Variants in TSC22D3 observed in about 807,000 individuals in gnomAD.
TSC22D3 encodes TSC22 domain family protein 3.
TSC22D3 carries 4 observed loss-of-function variants against 11.1 expected under a neutral mutation model. That is an observed-to-expected ratio of 0.36 (90% CI 0.18 to 0.83). TSC22D3 has a LOEUF of 0.83. Ranked by LOEUF, TSC22D3 falls within the 40% of genes least tolerant of loss-of-function variation. TSC22D3 has a pLI of 0.48. For synonymous variants in TSC22D3, 77 were observed against 70.3 expected (o/e 1.10, Z -0.48); for missense variants, 118 against 159.4 (o/e 0.74, Z 1.40).
At chrX:107,716,545 T>TGGCCCCC in intron 1 of TSC22D3, 5 of 795,880 alleles carry the variant, frequency 6.3e-6, no homozygotes, top group Non-Finnish European at 3.0e-6. Context: ...CCTTCCTGCG[T>TGGCCCCC]CCCCTCCCCC....
chrX:107,761,666 T>C (rs1287599055), intron 1 of TSC22D3, among the ~76,000 whole-genome samples: 1 of 111,998 alleles, frequency 8.9e-6, no homozygotes, highest in Non-Finnish European at 1.9e-5. Flanking sequence ...TTCCTGATCC[T>C]GATTTTCAGC....
At chrX:107,725,311 A>G (rs1455254730) in intron 1 of TSC22D3, among the ~76,000 whole-genome samples, 1 of 112,531 alleles carries the variant, frequency 8.9e-6, no homozygotes, top group African/African-American at 3.2e-5. Context: ...GTAAACCTTG[A>G]TGGTGGGCTG....
At chrX:107,742,867 T>G (rs769087714) in intron 1 of TSC22D3, among the ~76,000 whole-genome samples, 5 of 111,544 alleles carry the variant, frequency 4.5e-5, no homozygotes, top group African/African-American at 1.6e-4. Context: ...GCTCTTCACA[T>G]CATCCGCGAG....
At chrX:107,748,155 A>G (rs766652661) in intron 1 of TSC22D3, among the ~76,000 whole-genome samples, 1 of 111,859 alleles carries the variant, frequency 8.9e-6, no homozygotes, top group East Asian at 2.8e-4. Context: ...AATAGTGGAA[A>G]ACTCAATGGG....
rs61681572 is a variant in TSC22D3, at chrX:107,749,178, T to TACAC, written c.320+25918_320+25921dup. On this transcript the variant is annotated intron_variant, in intron 1 of 2. Coordinates refer to ENST00000372383, the MANE Select transcript of TSC22D3 (RefSeq NM_198057.3). ...GGTGAAACCCTGTCTCTACTAAAAA[T>TACAC]ACACACACACACACACACACACACA... 9.7e-3 allele frequency among the ~76,000 whole-genome samples: 849 copies of TACAC among 87,341 alleles called. 16 individuals are homozygous for TACAC. Among genetic ancestry groups the TACAC allele is most frequent in the African/African-American group, 0.03 (692 of 22,768 alleles). The allele number at this position is 87,341 out of a possible 115,157, so 75.8% of individuals were successfully genotyped here.
intron 1 of TSC22D3, among the ~76,000 whole-genome samples, chrX:107,770,344 A>G (rs1929853398): frequency 1.8e-5 from 2 of 110,802 alleles, no homozygotes; most frequent in Admixed American, 9.6e-5. Flanking sequence ...AGCCAGGTCC[A>G]GGAATATACA....
rs1306534254 is a variant in TSC22D3 at position 107,775,533 on chromosome X, GAA to G, written c.-116_-115del. The G allele has an allele frequency of 2.0e-5, 12 of 592,490 alleles. No individual in the cohort carries two copies. The highest frequency in any genetic ancestry group is 2.5e-5 in the Non-Finnish European group (10 of 394,262). 48.8% of individuals were successfully genotyped at this position (592,490 alleles called of 1,213,427 possible). A position where few individuals can be genotyped will look rare whatever the true frequency, so the allele number is the denominator to read the frequency against. ...GTGCCTGGAAAAGACAAGCTGTGAG[GAA>G]AAGAGTTGGAAATTAGCGCCTAAAG... On this transcript the variant is annotated 5_prime_UTR_variant, in exon 1 of 3. Coordinates refer to ENST00000372383, the MANE Select transcript of TSC22D3 (RefSeq NM_198057.3).
chrX:107,721,862 T>C lies in TSC22D3; in HGVS notation c.321-5912A>G, dbSNP rs1035538910. Reference sequence around the variant, plus strand: ...CTGTCTAGTTCTAATTACTTACTTGTCCCTTTTTCTGAAGAGGCTGGAGGA... The same window carrying C: ...CTGTCTAGTTCTAATTACTTACTTGCCCCTTTTTCTGAAGAGGCTGGAGGA... On this transcript the variant is annotated intron_variant, in intron 1 of 2. Coordinates refer to ENST00000372383, the MANE Select transcript of TSC22D3 (RefSeq NM_198057.3). 14 of 517,668 alleles carry C rather than the reference T, an allele frequency of 2.7e-5. No individual in the cohort carries two copies. In the African/African-American group the frequency reaches 2.8e-4, roughly 10 times the overall value. 42.7% of individuals were successfully genotyped at this position (517,668 alleles called of 1,213,427 possible). A position where few individuals can be genotyped will look rare whatever the true frequency, so the allele number is the denominator to read the frequency against.
chrX:107,771,844 C>T (rs1172436054), intron 1 of TSC22D3, among the ~76,000 whole-genome samples: 1 of 112,314 alleles, frequency 8.9e-6, no homozygotes, highest in African/African-American at 3.2e-5. Flanking sequence ...TGTATATACA[C>T]AGCACTATCA....
intron 1 of TSC22D3, among the ~76,000 whole-genome samples, chrX:107,726,515 G>A (rs1602956624): frequency 1.8e-5 from 2 of 112,617 alleles, no homozygotes; most frequent in Non-Finnish European, 1.9e-5. Flanking sequence ...GGCCCTTGCC[G>A]GCATTATGAA....
intron 1 of TSC22D3, among the ~76,000 whole-genome samples, chrX:107,742,595 C>A (rs974680358): frequency 1.8e-5 from 2 of 111,390 alleles, no homozygotes; most frequent in Admixed American, 9.4e-5. Flanking sequence ...TCTCTGCCCG[C>A]TGGTCTTCTG....
chrX:107,758,727 A>G (rs1929289128), intron 1 of TSC22D3, among the ~76,000 whole-genome samples: 1 of 112,179 alleles, frequency 8.9e-6, no homozygotes, highest in Non-Finnish European at 1.9e-5. Flanking sequence ...AAAGAACTCA[A>G]GAAATGCATT....
intron 1 of TSC22D3, among the ~76,000 whole-genome samples, chrX:107,762,846 CTTTTTTTTTTT>C (rs1170456785): frequency 2.2e-4 from 10 of 44,800 alleles, no homozygotes; most frequent in Non-Finnish European, 8.8e-5. Context: ...TGCACATGTA[CTTTTTTTTTTT>C]TTTTTTTTTT....
chrX:107,739,300 A>C (rs1257090312), intron 1 of TSC22D3, among the ~76,000 whole-genome samples: 1 of 112,885 alleles, frequency 8.9e-6, no homozygotes, highest in Non-Finnish European at 1.9e-5. Context: ...CAATGGGTAT[A>C]TGGACTAGGA....
chrX:107,731,104 C>T (rs1927857844), intron 1 of TSC22D3, among the ~76,000 whole-genome samples: 1 of 112,484 alleles, frequency 8.9e-6, no homozygotes, highest in Admixed American at 9.4e-5. Flanking sequence ...AGATTTCAGT[C>T]AATGCTATAA....
intron 1 of TSC22D3, among the ~76,000 whole-genome samples, chrX:107,754,072 C>G (rs539350550): frequency 9.0e-6 from 1 of 110,893 alleles, no homozygotes. Context: ...CGTGCCACCA[C>G]GCCTAGCTAA....
At chrX:107,718,847 G>A (rs186157433) in intron 1 of TSC22D3, among the ~76,000 whole-genome samples, 6 of 111,484 alleles carry the variant, frequency 5.4e-5, no homozygotes, top group South Asian at 3.8e-4. Context: ...CTCTGAACAC[G>A]GTGTTTGCAC....
At position 107,774,796 on chromosome X, in the gene TSC22D3, G is replaced by A. The variant is rs1045516803; in HGVS notation, c.320+304C>T. 1.7e-5 allele frequency: 6 copies of A among 353,127 alleles called. No homozygotes were observed. The South Asian group carries it at 3.1e-4, about 18-fold the overall frequency. 29.1% of individuals were successfully genotyped at this position (353,127 alleles called of 1,213,427 possible). A position where few individuals can be genotyped will look rare whatever the true frequency, so the allele number is the denominator to read the frequency against. ...CTCCAAAGGGGCTATGGAAATGTAT[G>A]CATTTGAGGAGCGGGTACTTTCAGC... is the stretch of plus-strand genomic sequence containing the variant. On this transcript the variant is annotated intron_variant, in intron 1 of 2. Transcript: ENST00000372383.
At chrX:107,737,704 A>G (rs1928208861) in intron 1 of TSC22D3, among the ~76,000 whole-genome samples, 1 of 111,915 alleles carries the variant, frequency 8.9e-6, no homozygotes, top group Non-Finnish European at 1.9e-5. Context: ...ACCTGGATTC[A>G]TTTGACAAAA....
Sources: allele counts gnomAD v4.1 joint callset (sites outside exome capture counted in the v4.1 genomes callset), GRCh38; gene constraint gnomAD v4.1.1; transcripts MANE v1.5; gene names NCBI Gene and HGNC (gene_info 2026-07-23, HGNC 2026-07-21).